CMC1: variants seen among roughly 807,000 people sequenced by gnomAD.
CMC1 encodes the protein COX assembly mitochondrial protein homolog.
CMC1 carries 14 observed loss-of-function variants against 14.1 expected under a neutral mutation model. That is an observed-to-expected ratio of 0.99 (90% CI 0.66 to 1.55). CMC1 has a LOEUF of 1.55. Among genes scored for constraint, CMC1 ranks in the 40% most tolerant of loss-of-function variants. CMC1 has a pLI of 0.00. For synonymous variants in CMC1, 50 were observed against 38.4 expected (o/e 1.30, Z -1.12); for missense variants, 127 against 123.8 (o/e 1.03, Z -0.12).
At chr3:28,266,846 G>A (rs1700027724) in intron 2 of CMC1, among the ~76,000 whole-genome samples, 2 of 152,034 alleles carry the variant, frequency 1.3e-5, no homozygotes, top group Admixed American at 6.6e-5. Flanking sequence ...TATTGTTGGT[G>A]GTGAATAAAG....
intron 2 of CMC1, among the ~76,000 whole-genome samples, chr3:28,309,430 C>T (rs1218513398): frequency 6.6e-6 from 1 of 151,976 alleles, no homozygotes; most frequent in East Asian, 1.9e-4. Flanking sequence ...AGTCATCAAC[C>T]TGGGCCATCA....
chr3:28,311,535 TC>T (rs1159010059), intron 2 of CMC1, among the ~76,000 whole-genome samples: 3 of 152,194 alleles, frequency 2.0e-5, no homozygotes, highest in Admixed American at 2.0e-4. Context: ...AAAAATACTA[TC>T]TTCATTGTCT....
At chr3:28,313,549 A>G (rs1212742209) in intron 2 of CMC1, among the ~76,000 whole-genome samples, 1 of 152,230 alleles carries the variant, frequency 6.6e-6, no homozygotes, top group Non-Finnish European at 1.5e-5. Flanking sequence ...CATCACTATT[A>G]TATGAATATA....
intron 2 of CMC1, among the ~76,000 whole-genome samples, chr3:28,271,326 C>T (rs1162361938): frequency 6.6e-6 from 1 of 152,148 alleles, no homozygotes; most frequent in Admixed American, 6.5e-5. Flanking sequence ...TCTAGAACTT[C>T]TGACCTCAAG....
intron 2 of CMC1, among the ~76,000 whole-genome samples, chr3:28,294,198 T>G (rs1425366123): frequency 6.6e-6 from 1 of 152,134 alleles, no homozygotes; most frequent in Non-Finnish European, 1.5e-5. Context: ...AGCAATAATG[T>G]AAGTGAGCTC....
At position 28,324,017 on chromosome 3, in the gene CMC1, G is replaced by A. The variant is rs370545377; in HGVS notation, c.*4388G>A. 43 of 1,573,504 alleles carry A rather than the reference G, an allele frequency of 2.7e-5. No homozygotes were observed. Among genetic ancestry groups the A allele is most frequent in the African/African-American group, 1.5e-4 (11 of 73,482 alleles). Reference sequence around the variant, plus strand: ...CACTGAAAGAGATAAGTGTCCTCATGGTGAAATCGTGAATCTCTTCCAAAT... The same window carrying A: ...CACTGAAAGAGATAAGTGTCCTCATAGTGAAATCGTGAATCTCTTCCAAAT... On this transcript the variant is annotated 3_prime_UTR_variant, in exon 4 of 4. Transcript: ENST00000466830.
intron 2 of CMC1, among the ~76,000 whole-genome samples, chr3:28,286,564 C>T (rs2125536153): frequency 6.6e-6 from 1 of 152,186 alleles, no homozygotes; most frequent in African/African-American, 2.4e-5. Context: ...CAGGAATATA[C>T]CTATTTGTAC....
chr3:28,251,821 T>C (rs934131995), intron 1 of CMC1, among the ~76,000 whole-genome samples: 1 of 143,680 alleles, frequency 7.0e-6, no homozygotes, highest in African/African-American at 2.5e-5. Flanking sequence ...TCTAGATTTA[T>C]ATGAGGAAAA....
chr3:28,298,919 G>T lies in CMC1; in HGVS notation c.110-17414G>T, dbSNP rs555439630. 3.3e-5 allele frequency among the ~76,000 whole-genome samples: 5 copies of T among 152,154 alleles called. No homozygotes were observed. The South Asian group carries it at 1.0e-3, about 32-fold the overall frequency. On this transcript the variant is annotated intron_variant, in intron 2 of 3. Coordinates refer to ENST00000466830, the MANE Select transcript of CMC1 (RefSeq NM_182523.2). ...TTTGGAGGCAGTGGTGGTGGAAAGA[G>T]TATGATGTAAAAGGAGCTGTTTCTT...
At chr3:28,295,512 C>T (rs1469100520) in intron 2 of CMC1, among the ~76,000 whole-genome samples, 5 of 152,038 alleles carry the variant, frequency 3.3e-5, no homozygotes, top group African/African-American at 1.2e-4. Flanking sequence ...ACCTGGATGA[C>T]CCTACTGAAA....
chr3:28,275,755 T>C (rs984853097), intron 2 of CMC1, among the ~76,000 whole-genome samples: 1 of 152,136 alleles, frequency 6.6e-6, no homozygotes, highest in African/African-American at 2.4e-5. Context: ...TAGCCGCCCT[T>C]GCCCCCAGGG....
chr3:28,243,878 A>G (rs1406492144), intron 1 of CMC1, among the ~76,000 whole-genome samples: 1 of 152,254 alleles, frequency 6.6e-6, no homozygotes, highest in Non-Finnish European at 1.5e-5. Context: ...ATAAACATGA[A>G]GAAAATAATG....
At chr3:28,297,470 A>G (rs932598337) in intron 2 of CMC1, among the ~76,000 whole-genome samples, 3 of 152,048 alleles carry the variant, frequency 2.0e-5, no homozygotes, top group African/African-American at 7.2e-5. Context: ...CTACAATGCT[A>G]TTTAGAATAT....
chr3:28,303,579 A>T (rs1702163259), intron 2 of CMC1, among the ~76,000 whole-genome samples: 1 of 152,172 alleles, frequency 6.6e-6, no homozygotes, highest in Non-Finnish European at 1.5e-5. Context: ...ATGATAAAGT[A>T]CAATGTTGGA....
chr3:28,244,220 GT>G (rs975908066), intron 1 of CMC1, among the ~76,000 whole-genome samples: 4 of 152,198 alleles, frequency 2.6e-5, no homozygotes, highest in Non-Finnish European at 4.4e-5. Flanking sequence ...TAATTTATGT[GT>G]TTATTATCCT....
Position 28,241,680 on chromosome 3 carries a change from T to G in CMC1, c.-114T>G. The stretch of plus-strand genomic sequence containing the variant: ...CTTTGCAAAGGGCCCGTGTTTCTGT[T>G]GCGGGAAGCTCCCGGGGGTCGCACG... On this transcript the variant is annotated 5_prime_UTR_variant, in exon 1 of 4. Transcript: ENST00000466830. 1 of 1,235,308 alleles carries G rather than the reference T, an allele frequency of 8.1e-7. No individual in the cohort carries two copies. The highest frequency in any genetic ancestry group is 1.0e-6 in the Non-Finnish European group (1 of 987,826). 76.5% of individuals were successfully genotyped at this position (1,235,308 alleles called of 1,614,324 possible). A position where few individuals can be genotyped will look rare whatever the true frequency, so the allele number is the denominator to read the frequency against.
chr3:28,319,021 A>G (rs574877467), intron 3 of CMC1: 1 of 340,324 alleles, frequency 2.9e-6, no homozygotes, highest in Non-Finnish European at 5.8e-6. Context: ...ATAATCTGCT[A>G]TAGTGGTACC....
At chr3:28,299,510 C>T (rs1339981853) in intron 2 of CMC1, among the ~76,000 whole-genome samples, 2 of 152,032 alleles carry the variant, frequency 1.3e-5, no homozygotes, top group Non-Finnish European at 2.9e-5. Context: ...CATGTTCATC[C>T]TTCTACCTTC....
intron 1 of CMC1, among the ~76,000 whole-genome samples, chr3:28,258,482 G>A (rs1241039671): frequency 4.0e-5 from 6 of 148,724 alleles, no homozygotes; most frequent in Admixed American, 3.3e-4. Context: ...GGGTCAAAGG[G>A]TTTAGCTTTT....
Sources: allele counts gnomAD v4.1 joint callset (sites outside exome capture counted in the v4.1 genomes callset), GRCh38; gene constraint gnomAD v4.1.1; transcripts MANE v1.5; gene names NCBI Gene and HGNC (gene_info 2026-07-23, HGNC 2026-07-21).